The following EMG1 variants were observed in gnomAD, a reference collection of about 807,000 sequenced individuals.
EMG1 encodes ribosomal RNA small subunit methyltransferase NEP1.
A neutral mutation model predicts 26.9 loss-of-function variants in EMG1; 24 were observed. That is an observed-to-expected ratio of 0.89 (90% CI 0.65 to 1.26). The LOEUF (loss-of-function observed/expected upper bound fraction) is 1.26. Ranked by LOEUF, EMG1 falls within the 50% of genes most tolerant of loss-of-function variation. The probability of loss-of-function intolerance (pLI) is 0.00; values close to 1 mark genes in which losing one functional copy is unlikely to be tolerated. For synonymous variants in EMG1, 140 were observed against 112.6 expected (o/e 1.24, Z -1.54); for missense variants, 299 against 307.6 (o/e 0.97, Z 0.21).
At chr12:6,974,306 T>C in intron 1 of EMG1, 33 bp from the exon 2 acceptor site, 1 of 1,500,372 alleles carries the variant, frequency 6.7e-7, no homozygotes, top group Non-Finnish European at 9.2e-7. Flanking sequence ...CAGAAGCTTA[T>C]GCTGTTCTCT....
At chr12:6,985,332 C>A (rs1591548725) in intron 6 of EMG1, among the ~76,000 whole-genome samples, 1 of 150,294 alleles carries the variant, frequency 6.7e-6, no homozygotes, top group East Asian at 2.0e-4. Context: ...GGAGGCGGAG[C>A]TTGCAGTGAG....
At chr12:6,971,174 G>A (rs1210532251) in intron 1 of EMG1, 83 bp downstream of exon 1, 2 of 1,183,304 alleles carry the variant, frequency 1.7e-6, no homozygotes, top group Non-Finnish European at 2.4e-6. Flanking sequence ...CAGAGTGGAT[G>A]TAGAAAGCAG....
chr12:6,980,309 T>C (rs1242365029), downstream of EMG1, among the ~76,000 whole-genome samples: 1 of 151,662 alleles, frequency 6.6e-6, no homozygotes, highest in African/African-American at 2.4e-5. Context: ...TCCCAGAGCG[T>C]TGGCATTACA....
chr12:6,976,919 TGGTTAGTTACTCC>T lies in EMG1; in HGVS notation c.*1111_*1123del, dbSNP rs1946410283. The T allele has an allele frequency of 2.0e-6, 1 of 505,504 alleles. No homozygotes were observed. The highest frequency in any genetic ancestry group is 1.9e-5 in the African/African-American group (1 of 52,270). 31.3% of individuals were successfully genotyped at this position (505,504 alleles called of 1,614,324 possible). ...GCAAGACAAGAGGAGTTTGGAAGGC[TGGTTAGTTACTCC>T]TGTAATTCCTGGTCTATAGCCCTTC... On this transcript the variant is annotated 3_prime_UTR_variant, in exon 6 of 6. Transcript: ENST00000599672.
At chr12:6,971,130 A>G in intron 1 of EMG1, 39 bp downstream of exon 1, 1 of 1,552,608 alleles carries the variant, frequency 6.4e-7, no homozygotes, top group Non-Finnish European at 8.8e-7. Context: ...GTAAATCGAT[A>G]GGTTGGGACT....
At chr12:6,981,287 A>G (rs1946468930), downstream of EMG1, 1 of 910,824 alleles carries the variant, frequency 1.1e-6, no homozygotes, top group Non-Finnish European at 1.7e-6. Flanking sequence ...GGGTTCTTCA[A>G]ATAGCCTTCT....
chr12:6,979,371 AGAT>A lies in EMG1; in HGVS notation c.*3566_*3568del. On this transcript the variant is annotated 3_prime_UTR_variant, in exon 6 of 6. Transcript: ENST00000599672. Reference sequence around the variant, plus strand: ...TAGAGCAAAACCAACATGCACTTGTAGATGATATTTCCTACTTCTCTGCTATCT... The same window carrying A: ...TAGAGCAAAACCAACATGCACTTGTAGATATTTCCTACTTCTCTGCTATCT... 1 of 852,778 alleles carries A rather than the reference AGAT, an allele frequency of 1.2e-6. No homozygotes were observed. Among genetic ancestry groups the A allele is most frequent in the South Asian group, 1.5e-5 (1 of 64,972 alleles). 52.8% of individuals were successfully genotyped at this position (852,778 alleles called of 1,614,324 possible). A position where few individuals can be genotyped will look rare whatever the true frequency, so the allele number is the denominator to read the frequency against.
At chr12:6,981,025 A>G (rs782698999), downstream of EMG1, 5 of 1,602,264 alleles carry the variant, frequency 3.1e-6, no homozygotes, top group Non-Finnish European at 4.3e-6. Context: ...CTTTCCTGGT[A>G]TGTCAATCAG....
intron 1 of EMG1, 55 bp downstream of exon 1, chr12:6,971,146 G>C: frequency 6.8e-7 from 1 of 1,465,376 alleles, no homozygotes; most frequent in South Asian, 1.2e-5. Flanking sequence ...GGACTCCGTG[G>C]AATGAGGGTA....
Position 6,993,506 on chromosome 12 carries a change from A to G in EMG1, c.*212-3719A>G, listed in dbSNP as rs999720756. On this transcript the variant is annotated intron_variant and NMD_transcript_variant, in intron 7 of 7. Coordinates refer to the EMG1 transcript ENST00000607161. ...ATTTCAGAATATCTTCATCACCTCA[A>G]GTAGAAACCCCATACATGTTGGCAG... 5.9e-5 allele frequency among the ~76,000 whole-genome samples: 9 copies of G among 152,224 alleles called. No homozygotes were observed. In the South Asian group the frequency reaches 8.3e-4, roughly 14 times the overall value.
chr12:6,989,558 A>C (rs1168349652), downstream of EMG1, among the ~76,000 whole-genome samples: 1 of 152,014 alleles, frequency 6.6e-6, no homozygotes, highest in Non-Finnish European at 1.5e-5. Context: ...TCGGCCTCCC[A>C]AAGTGCTGGG....
In EMG1 at chr12:6,977,799, G is replaced by C. The variant is rs1042600357; in HGVS notation, c.*1990G>C. On this transcript the variant is annotated 3_prime_UTR_variant, in exon 6 of 6. Coordinates refer to ENST00000599672, the MANE Select transcript of EMG1 (RefSeq NM_006331.8). The surrounding 1 kb of genome is among the most constrained non-coding windows in gnomAD (Gnocchi z 4.5). ...TCAAACTGACTGGTCCTTGCATCCC[G>C]CCACCTGCCTCTGGGTCCTCACCCT... 4 of 1,602,938 alleles carry C rather than the reference G, an allele frequency of 2.5e-6. No individual in the cohort carries two copies. The highest frequency in any genetic ancestry group is 3.4e-6 in the Non-Finnish European group (4 of 1,172,544).
In EMG1 at chr12:6,976,728, A is replaced by T. The variant is rs1371720201; in HGVS notation, c.*919A>T. On this transcript the variant is annotated 3_prime_UTR_variant, in exon 6 of 6. Transcript: ENST00000599672. ...ACAAAGCAAGACGCCTTCTCCAAAA[A>T]AAAGTTTCCCCTTTGGCCCCAAATG... 1 of 160,358 alleles carries T rather than the reference A, an allele frequency of 6.2e-6. No homozygotes were observed. 9.9% of individuals were successfully genotyped at this position (160,358 alleles called of 1,614,324 possible). A position where few individuals can be genotyped will look rare whatever the true frequency, so the allele number is the denominator to read the frequency against.
Position 6,976,918 on chromosome 12 carries a change from C to A in EMG1, c.*1109C>A. 1 of 502,440 alleles carries A rather than the reference C, an allele frequency of 2.0e-6. No homozygotes were observed. The allele number at this position is 502,440 out of a possible 1,614,324, so 31.1% of individuals were successfully genotyped here. A position where few individuals can be genotyped will look rare whatever the true frequency, so the allele number is the denominator to read the frequency against. On this transcript the variant is annotated 3_prime_UTR_variant, in exon 6 of 6. Transcript: ENST00000599672. ...TGCAAGACAAGAGGAGTTTGGAAGG[C>A]TGGTTAGTTACTCCTGTAATTCCTG...
At position 6,971,108 on chromosome 12, in the gene EMG1, A is replaced by G. The variant is rs1555152188; in HGVS notation, c.168+17A>G. On this transcript the variant is annotated intron_variant, in intron 1 of 5. Transcript: ENST00000599672. ...ACAGTCAAGGTAGTTTGGGACAGGA[A>G]GTGGAGAAGTAGTAAATCGATAGGT... 6.2e-7 allele frequency: 1 copy of G among 1,603,294 alleles called. No homozygotes were observed. Among genetic ancestry groups the G allele is most frequent in the South Asian group, 1.1e-5 (1 of 89,474 alleles).
chr12:6,986,772 G>A lies in EMG1; in HGVS notation c.*155-1010G>A, dbSNP rs1555154771. Among the ~76,000 whole-genome samples the A allele has an allele frequency of 7.0e-5, 10 of 143,564 alleles. No individual in the cohort carries two copies. In the East Asian group the frequency reaches 1.9e-3, roughly 27 times the overall value. The allele number at this position is 143,564 out of a possible 152,430, so 94.2% of individuals were successfully genotyped here. The stretch of plus-strand genomic sequence containing the variant: ...AGAGAGAGCCACTGCACTCCAGCCT[G>A]GTGACAGAGTGAGACTCTGTCTCAA... On this transcript the variant is annotated intron_variant and NMD_transcript_variant, in intron 6 of 7. Transcript: ENST00000261406.
chr12:6,973,825 A>T lies in EMG1; in HGVS notation c.169-514A>T, dbSNP rs367831296. Among the ~76,000 whole-genome samples the T allele has an allele frequency of 3.2e-4, 48 of 152,216 alleles. No individual in the cohort carries two copies. The East Asian group carries it at 4.6e-3, about 15-fold the overall frequency. ...CCAAAGTGCTGGGATTACAGGCGTG[A>T]GCCACCACGCCCGGCCTTCACATTT... On this transcript the variant is annotated intron_variant, in intron 1 of 5. Coordinates refer to ENST00000599672, the MANE Select transcript of EMG1 (RefSeq NM_006331.8).
In EMG1 at chr12:6,975,393, C is replaced by A; in HGVS notation, c.621+15C>A. The A allele has an allele frequency of 6.3e-7, 1 of 1,577,698 alleles. No individual in the cohort carries two copies. The highest frequency in any genetic ancestry group is 1.2e-5 in the South Asian group (1 of 85,914). On this transcript the variant is annotated intron_variant, in intron 5 of 5. Coordinates refer to ENST00000599672, the MANE Select transcript of EMG1 (RefSeq NM_006331.8). ...CCCATGGCAAGGTAAGGTCTGGGCT[C>A]AACCCTGAAATTCTTGGTAGAGCTG...
At position 6,977,784 on chromosome 12, in the gene EMG1, T is replaced by C. The variant is rs1199861607; in HGVS notation, c.*1975T>C. ...TGGGTGGGGCGACCCTCAAACTGAC[T>C]GGTCCTTGCATCCCGCCACCTGCCT... On this transcript the variant is annotated 3_prime_UTR_variant, in exon 6 of 6. Coordinates refer to ENST00000599672, the MANE Select transcript of EMG1 (RefSeq NM_006331.8). This position sits in a 1 kb window ranked among gnomAD's most constrained non-coding sequence, Gnocchi z 4.5. 2 of 1,611,884 alleles carry C rather than the reference T, an allele frequency of 1.2e-6. No homozygotes were observed. Among genetic ancestry groups the C allele is most frequent in the South Asian group, 1.1e-5 (1 of 90,606 alleles).
Sources: allele counts gnomAD v4.1 joint callset (sites outside exome capture counted in the v4.1 genomes callset), GRCh38; gene constraint gnomAD v4.1.1; non-coding constraint Gnocchi (gnomAD v3.1); transcripts MANE v1.5; gene names NCBI Gene and HGNC (gene_info 2026-07-23, HGNC 2026-07-21).